ADAMTS3: variants seen among roughly 807,000 people sequenced by gnomAD.
ADAMTS3 encodes A disintegrin and metalloproteinase with thrombospondin motifs 3.
In ADAMTS3, 73 loss-of-function variants were observed where a neutral mutation model predicts 129.0. That is an observed-to-expected ratio of 0.57 (90% CI 0.47 to 0.69). The LOEUF is 0.69. ADAMTS3 is among the 30% of genes least tolerant of loss of function. ADAMTS3 has a pLI of 0.00. For synonymous variants in ADAMTS3, 477 were observed against 510.8 expected (o/e 0.93, Z 0.89); for missense variants, 1,457 against 1,514.5 (o/e 0.96, Z 0.63).
chr4:72,563,993 T>C (rs1721965893), intron 2 of ADAMTS3, among the ~76,000 whole-genome samples: 1 of 152,044 alleles, frequency 6.6e-6, no homozygotes, highest in African/African-American at 2.4e-5. Context: ...AACCTGAAAA[T>C]GGTGAAAAAT....
At chr4:72,444,462 T>A (rs1718200595) in intron 3 of ADAMTS3, among the ~76,000 whole-genome samples, 1 of 151,806 alleles carries the variant, frequency 6.6e-6, no homozygotes, top group Admixed American at 6.6e-5. Flanking sequence ...CTGCCTGTGT[T>A]AAAAATAATG....
At chr4:72,393,810 G>A (rs1334866874) in intron 4 of ADAMTS3, among the ~76,000 whole-genome samples, 1 of 152,160 alleles carries the variant, frequency 6.6e-6, no homozygotes, top group East Asian at 1.9e-4. Context: ...AGGAAAGAAG[G>A]TTAAGAACAA....
chr4:72,318,753 T>A lies in ADAMTS3; in HGVS notation c.1353-49A>T, dbSNP rs573736986. The A allele has an allele frequency of 2.4e-5, 37 of 1,571,632 alleles. No individual in the cohort carries two copies. The East Asian group carries it at 6.8e-4, about 29-fold the overall frequency. Reference sequence around the variant, plus strand: ...GTAGTTAAATGTTCACTTAAAAAAATCATGTCCTGATTTAAAAAAAAGTAG... The same window carrying A: ...GTAGTTAAATGTTCACTTAAAAAAAACATGTCCTGATTTAAAAAAAAGTAG... On this transcript the variant is annotated intron_variant, in intron 9 of 21. Transcript: ENST00000286657.
At chr4:72,530,838 T>C (rs1294453651) in intron 3 of ADAMTS3, among the ~76,000 whole-genome samples, 1 of 124,476 alleles carries the variant, frequency 8.0e-6, no homozygotes, top group African/African-American at 3.1e-5. Context: ...TTATATATAA[T>C]ATATAATATA....
chr4:72,390,407 T>G (rs535496681), intron 4 of ADAMTS3, among the ~76,000 whole-genome samples: 1 of 152,282 alleles, frequency 6.6e-6, no homozygotes, highest in East Asian at 1.9e-4. Context: ...AAGACACTTG[T>G]CTTTCCCCAT....
chr4:72,513,448 T>C (rs986833235), intron 3 of ADAMTS3, among the ~76,000 whole-genome samples: 1 of 152,182 alleles, frequency 6.6e-6, no homozygotes, highest in South Asian at 2.1e-4. Flanking sequence ...TCCAAACTAC[T>C]GCCCACCACT....
chr4:72,345,415 C>A (rs1389640591), intron 4 of ADAMTS3, among the ~76,000 whole-genome samples: 1 of 152,108 alleles, frequency 6.6e-6, no homozygotes, highest in Admixed American at 6.6e-5. Flanking sequence ...TTTTAATTGA[C>A]ATCTTTTTAA....
chr4:72,462,175 G>C (rs115139365), intron 3 of ADAMTS3, among the ~76,000 whole-genome samples: 1,637 of 151,876 alleles, frequency 0.011, 29 homozygotes, highest in African/African-American at 0.038. Flanking sequence ...ACTGGGTGAG[G>C]GCTTGGTGTA....
intron 17 of ADAMTS3, 66 bp from the exon 18 acceptor site, chr4:72,298,508 A>G: frequency 7.8e-7 from 1 of 1,277,914 alleles, no homozygotes; most frequent in Non-Finnish European, 1.1e-6. Context: ...GTAAAATTAC[A>G]AATATTTCAG....
At chr4:72,363,541 A>C (rs985524690) in intron 4 of ADAMTS3, among the ~76,000 whole-genome samples, 1 of 152,164 alleles carries the variant, frequency 6.6e-6, no homozygotes, top group Non-Finnish European at 1.5e-5. Flanking sequence ...TGATTTTAAA[A>C]TTTATGTGTA....
At chr4:72,375,790 G>T (rs957415346) in intron 4 of ADAMTS3, among the ~76,000 whole-genome samples, 19 of 152,120 alleles carry the variant, frequency 1.2e-4, no homozygotes, top group African/African-American at 3.9e-4. Flanking sequence ...TCCTGTGCAA[G>T]AATTATTTCA....
intron 3 of ADAMTS3, among the ~76,000 whole-genome samples, chr4:72,430,052 T>G (rs571899345): frequency 1.3e-5 from 2 of 152,020 alleles, no homozygotes; most frequent in Non-Finnish European, 2.9e-5. Flanking sequence ...AACCCTATTG[T>G]GTTGAAAAAA....
chr4:72,382,592 C>T (rs1046237128), intron 4 of ADAMTS3, among the ~76,000 whole-genome samples: 13 of 152,154 alleles, frequency 8.5e-5, no homozygotes, highest in Admixed American at 2.6e-4. Flanking sequence ...TGTACGTTTA[C>T]TGCAGCACTA....
At chr4:72,445,769 G>A (rs545102329) in intron 3 of ADAMTS3, among the ~76,000 whole-genome samples, 1 of 151,788 alleles carries the variant, frequency 6.6e-6, no homozygotes, top group South Asian at 2.1e-4. Context: ...TAAAATTTTA[G>A]AAGACAATTT....
Position 72,414,943 on chromosome 4 carries a change from T to C in ADAMTS3, c.533A>G (p.Glu178Gly). The change falls in exon 4 of 22, where the codon GAG becomes GGG. Residue 178 changes from glutamate to glycine, a missense_variant. Coordinates refer to ENST00000286657, the MANE Select transcript of ADAMTS3 (RefSeq NM_014243.3). Reference sequence around the variant, plus strand: ...TCTTTCCAAGGGTTCAATGAAATACTCTTCATTATCACTTTTTATCATTCC... The same window carrying C: ...TCTTTCCAAGGGTTCAATGAAATACCCTTCATTATCACTTTTTATCATTCC... ...LAGMIKSDNE[E>G]YFIEPLERGK... 6 of 1,551,192 alleles carry C rather than the reference T, an allele frequency of 3.9e-6. No individual in the cohort carries two copies. The highest frequency in any genetic ancestry group is 5.2e-6 in the Non-Finnish European group (6 of 1,153,974).
At chr4:72,289,429 T>C (rs554180941) in intron 20 of ADAMTS3, among the ~76,000 whole-genome samples, 1 of 152,336 alleles carries the variant, frequency 6.6e-6, no homozygotes, top group East Asian at 1.9e-4. Context: ...CTCTGTGCTC[T>C]TAAGTTCATT....
chr4:72,283,002 T>G lies in ADAMTS3; in HGVS notation c.*134A>C, dbSNP rs1718391491. 4.0e-6 allele frequency: 3 copies of G among 741,372 alleles called. No individual in the cohort carries two copies. In the South Asian group the frequency reaches 6.2e-5, roughly 15 times the overall value. 45.9% of individuals were successfully genotyped at this position (741,372 alleles called of 1,614,324 possible). On this transcript the variant is annotated 3_prime_UTR_variant, in exon 22 of 22. Coordinates refer to ENST00000286657, the MANE Select transcript of ADAMTS3 (RefSeq NM_014243.3). The stretch of plus-strand genomic sequence containing the variant: ...AGCAACTAGAAAGTGAGCCAGCACT[T>G]TCTGTTCTTCCAATTACAGATAAAA...
At chr4:72,372,001 A>G (rs1721021870) in intron 4 of ADAMTS3, among the ~76,000 whole-genome samples, 1 of 152,162 alleles carries the variant, frequency 6.6e-6, no homozygotes, top group Non-Finnish European at 1.5e-5. Flanking sequence ...CATATGTGAA[A>G]GTAGCCCACA....
At chr4:72,298,028 C>T (rs763828046) in intron 18 of ADAMTS3, among the ~76,000 whole-genome samples, 4 of 151,982 alleles carry the variant, frequency 2.6e-5, no homozygotes, top group African/African-American at 4.8e-5. Context: ...GGTACCACTA[C>T]AGTAAATGCA....
Sources: allele counts gnomAD v4.1 joint callset (sites outside exome capture counted in the v4.1 genomes callset), GRCh38; gene constraint gnomAD v4.1.1; transcripts MANE v1.5; gene names NCBI Gene and HGNC (gene_info 2026-07-23, HGNC 2026-07-21).